The following NSD2 variants were observed in gnomAD, a reference collection of about 807,000 sequenced individuals.
NSD2 encodes the protein histone-lysine N-methyltransferase NSD2.
In NSD2, 12 loss-of-function variants were observed where a neutral mutation model predicts 139.0. The ratio of observed to expected loss-of-function variants is 0.09; its 90% CI spans 0.06 to 0.14. The LOEUF (loss-of-function observed/expected upper bound fraction) is 0.14. Among genes scored for constraint, NSD2 ranks in the 10% least tolerant of loss-of-function variants. The probability of loss-of-function intolerance (pLI) is 1.00; values close to 1 mark genes in which losing one functional copy is unlikely to be tolerated. For synonymous variants in NSD2, 669 were observed against 648.7 expected (o/e 1.03, Z -0.48); for missense variants, 1,155 against 1,745.0 (o/e 0.66, Z 6.02).
chr4:1,944,174 A>T, intron 9 of NSD2: 1 of 1,065,910 alleles, frequency 9.4e-7, no homozygotes, highest in Non-Finnish European at 1.1e-6. Flanking sequence ...GGACAGTCCC[A>T]TGTGTGGCAG....
chr4:1,952,350 G>A (rs1485345174), intron 11 of NSD2, 119 bp downstream of exon 11: 37 of 1,436,028 alleles, frequency 2.6e-5, no homozygotes, highest in Non-Finnish European at 2.8e-5. Context: ...CACCCCCACC[G>A]CCTGGCCCTC....
At chr4:1,877,367 C>T (rs929564981) in intron 1 of NSD2, among the ~76,000 whole-genome samples, 2 of 152,208 alleles carry the variant, frequency 1.3e-5, no homozygotes, top group Admixed American at 1.3e-4. Context: ...GTGACTCTCA[C>T]TGCCCATTGG....
intron 3 of NSD2, among the ~76,000 whole-genome samples, chr4:1,910,879 T>C (rs1718572204): frequency 6.6e-6 from 1 of 152,194 alleles, no homozygotes; most frequent in Non-Finnish European, 1.5e-5. Flanking sequence ...TCAGGCATGG[T>C]CATGCTTGTC....
At chr4:1,873,226 C>T (rs1713999419) in intron 1 of NSD2, among the ~76,000 whole-genome samples, 1 of 152,152 alleles carries the variant, frequency 6.6e-6, no homozygotes, top group Non-Finnish European at 1.5e-5. Flanking sequence ...GTGAAGAGCT[C>T]TGATCTCAGT....
chr4:1,918,283 C>T lies in NSD2; in HGVS notation c.1070C>T (p.Pro357Leu). Residue 357 changes from proline (P) to leucine (L), a missense_variant, in exon 5 of 22, where the codon CCT (proline) becomes CTT (leucine). Physicochemically the swap from Pro to Leu is moderately conservative, Grantham distance 98. This residue lies in a region of NSD2 where 420 missense variants were observed against 469.0 expected (regional missense o/e 0.90). Coordinates refer to ENST00000508803, the MANE Select transcript of NSD2 (RefSeq NM_001042424.3). The stretch of plus-strand genomic sequence containing the variant: ...GTGGGGGACCAGCTTCATCTCAACC[C>T]TCAAGTAGCCAAGGAGGCTGGCATT... The part of the protein sequence containing the change: ...LYVGDQLHLN[P>L]QVAKEAGIAA... The T allele has an allele frequency of 6.2e-7, 1 of 1,613,992 alleles. No homozygotes were observed.
At position 1,976,040 on chromosome 4, in the gene NSD2, C is replaced by T. The variant is rs1280227326; in HGVS notation, c.3622-435C>T. On this transcript the variant is annotated intron_variant, in intron 20 of 21. Coordinates refer to ENST00000508803, the MANE Select transcript of NSD2 (RefSeq NM_001042424.3). This position sits in a 1 kb window ranked among gnomAD's most constrained non-coding sequence, Gnocchi z 5.3. ...TCGGCCCTGAGCCGGTGTCTGTCCT[C>T]AGCCGTGTTGCTGAGGATGGTCACT... 2.0e-5 allele frequency among the ~76,000 whole-genome samples: 3 copies of T among 152,304 alleles called. No homozygotes were observed. Among genetic ancestry groups the T allele is most frequent in the Admixed American group, 6.5e-5 (1 of 15,302 alleles).
Position 1,976,394 on chromosome 4 carries a change from G to C in NSD2, c.3622-81G>C. 6.8e-7 allele frequency: 1 copy of C among 1,474,222 alleles called. No individual in the cohort carries two copies. Among genetic ancestry groups the C allele is most frequent in the Non-Finnish European group, 9.3e-7 (1 of 1,080,732 alleles). 91.3% of individuals were successfully genotyped at this position (1,474,222 alleles called of 1,614,324 possible). A position where few individuals can be genotyped will look rare whatever the true frequency, so the allele number is the denominator to read the frequency against. On this transcript the variant is annotated intron_variant, in intron 20 of 21. Transcript: ENST00000508803. This position sits in a 1 kb window ranked among gnomAD's most constrained non-coding sequence, Gnocchi z 5.3. ...CCTGCAGAGATCTCTGAAGTTCCTG[G>C]AGTGTAGCTCGCTCTTCTGCCCTAT...
intron 11 of NSD2, chr4:1,952,639 G>A (rs899120599): frequency 5.6e-5 from 51 of 910,766 alleles, no homozygotes; most frequent in East Asian, 7.7e-5. Context: ...GGAACATGGA[G>A]TTCTTTATGA....
chr4:1,912,254 T>C (rs958524402), intron 3 of NSD2: 1 of 182,824 alleles, frequency 5.5e-6, no homozygotes, highest in African/African-American at 2.4e-5. Context: ...ATTTCTCATG[T>C]AGACATTTTC....
At chr4:1,923,316 C>CAAAAAAA (rs34772768) in intron 5 of NSD2, among the ~76,000 whole-genome samples, 2 of 62,260 alleles carry the variant, frequency 3.2e-5, no homozygotes, top group African/African-American at 5.1e-5. Context: ...GACCCTGGCT[C>CAAAAAAA]AAAAAAAAAA....
At chr4:1,922,403 T>C (rs1385282901) in intron 5 of NSD2, among the ~76,000 whole-genome samples, 1 of 152,158 alleles carries the variant, frequency 6.6e-6, no homozygotes, top group Admixed American at 6.5e-5. Flanking sequence ...TAGAGAAAAA[T>C]AACTGATATT....
At chr4:1,914,283 A>G (rs1291798418) in intron 3 of NSD2, among the ~76,000 whole-genome samples, 1 of 151,214 alleles carries the variant, frequency 6.6e-6, no homozygotes, top group Non-Finnish European at 1.5e-5. Flanking sequence ...TTGGCCTCCT[A>G]AAGTGCTGAG....
At chr4:1,882,637 T>G (rs1027500140) in intron 1 of NSD2, among the ~76,000 whole-genome samples, 1 of 151,964 alleles carries the variant, frequency 6.6e-6, no homozygotes, top group Non-Finnish European at 1.5e-5. Context: ...GCACTCCAGC[T>G]TGGGCGACAG....
chr4:1,955,422 G>A lies in NSD2; in HGVS notation c.2518+82G>A. The A allele has an allele frequency of 6.7e-7, 1 of 1,485,692 alleles. No individual in the cohort carries two copies. Among genetic ancestry groups the A allele is most frequent in the Non-Finnish European group, 9.0e-7 (1 of 1,111,476 alleles). The allele number at this position is 1,485,692 out of a possible 1,614,324, so 92.0% of individuals were successfully genotyped here. On this transcript the variant is annotated intron_variant, in intron 13 of 21. Transcript: ENST00000508803. This position sits in a 1 kb window ranked among gnomAD's most constrained non-coding sequence, Gnocchi z 4.7. ...ATCAAGGCAGGCTCATTCCTTGTCTGCGCTGTGTTCATTGATGTTGACAGT... is the reference window on the plus strand; with the variant it reads ...ATCAAGGCAGGCTCATTCCTTGTCTACGCTGTGTTCATTGATGTTGACAGT...
intron 9 of NSD2, chr4:1,940,699 G>C: frequency 9.4e-7 from 1 of 1,061,376 alleles, no homozygotes. Context: ...GTGAGGCAAG[G>C]GTTGGACAGG....
chr4:1,966,388 G>C (rs1725888971), intron 18 of NSD2, among the ~76,000 whole-genome samples: 1 of 152,156 alleles, frequency 6.6e-6, no homozygotes, highest in African/African-American at 2.4e-5. Context: ...TGGGCATGGT[G>C]GCTCACGCCT....
chr4:1,975,510 G>C, intron 20 of NSD2, 110 bp downstream of exon 20: 1 of 961,362 alleles, frequency 1.0e-6, no homozygotes, highest in Non-Finnish European at 1.6e-6. Flanking sequence ...CTTGTTGCCG[G>C]GACAGGTGGG....
chr4:1,980,987 C>G lies in NSD2; in HGVS notation c.*2078C>G, dbSNP rs908710564. The G allele has an allele frequency of 2.6e-5, 6 of 233,168 alleles. No homozygotes were observed. The highest frequency in any genetic ancestry group is 1.1e-4 in the Admixed American group (2 of 17,784). 14.4% of individuals were successfully genotyped at this position (233,168 alleles called of 1,614,324 possible). A position where few individuals can be genotyped will look rare whatever the true frequency, so the allele number is the denominator to read the frequency against. On this transcript the variant is annotated 3_prime_UTR_variant, in exon 22 of 22. Coordinates refer to ENST00000508803, the MANE Select transcript of NSD2 (RefSeq NM_001042424.3). ...GGCCCCAGGGCCCCGCTGTCACTTG[C>G]CCAAAAGATCCCTTCCGGCAGGTAA...
At chr4:1,907,986 T>C (rs146445929) in intron 3 of NSD2, among the ~76,000 whole-genome samples, 34 of 152,332 alleles carry the variant, frequency 2.2e-4, no homozygotes, top group African/African-American at 7.0e-4. Context: ...GACAGTTTCC[T>C]TATTGACTCA....
Sources: allele counts gnomAD v4.1 joint callset (sites outside exome capture counted in the v4.1 genomes callset), GRCh38; gene constraint gnomAD v4.1.1; regional missense constraint gnomAD v4.1.1; non-coding constraint Gnocchi (gnomAD v3.1); transcripts MANE v1.5; gene names NCBI Gene and HGNC (gene_info 2026-07-23, HGNC 2026-07-21).